PDS5A: variants seen among roughly 807,000 people sequenced by gnomAD.
PDS5A encodes the protein PDS5 cohesin associated factor A, also known as sister chromatid cohesion protein PDS5 homolog A.
In PDS5A, 42 loss-of-function variants were observed where a neutral mutation model predicts 167.1. That is an observed-to-expected ratio of 0.25 (90% confidence interval 0.20 to 0.33). The LOEUF (loss-of-function observed/expected upper bound fraction) is 0.33. Among genes scored for constraint, PDS5A ranks in the 10% least tolerant of loss-of-function variants. The pLI is 1.00. For missense variants in PDS5A, 1,033 were observed against 1,605.9 expected, an observed-to-expected ratio of 0.64 and a Z score of 6.10; for synonymous variants, 553 against 554.6, an observed-to-expected ratio of 1.00 and a Z score of 0.04.
chr4:39,951,422 T>C (rs756750160), intron 2 of PDS5A, among the ~76,000 whole-genome samples: 43 of 152,176 alleles, frequency 2.8e-4, no homozygotes, highest in Admixed American at 3.9e-4. Context: ...AGTTTTCCAA[T>C]GAGAGACAGC....
intron 2 of PDS5A, among the ~76,000 whole-genome samples, chr4:39,967,105 G>C (rs1560525877): frequency 6.6e-6 from 1 of 151,860 alleles, no homozygotes; most frequent in African/African-American, 2.4e-5. Context: ...AGGAGCTCGA[G>C]ACCAGCCTGG....
Position 39,962,594 on chromosome 4 carries a change from AG to A in PDS5A, c.138+13845del, listed in dbSNP as rs533203905. On this transcript the variant is annotated intron_variant, in intron 2 of 32. Transcript: ENST00000303538. Reference sequence around the variant, plus strand: ...GCCGAGGCGAGCAGATCACAAGGTCAGGAGGTTGAGACCATCCTGGCCAACA... The same window carrying A: ...GCCGAGGCGAGCAGATCACAAGGTCAGAGGTTGAGACCATCCTGGCCAACA... 8.0e-4 allele frequency among the ~76,000 whole-genome samples: 121 copies of A among 151,574 alleles called. 3 individuals are homozygous for A. The South Asian group carries it at 0.022, about 28-fold the overall frequency.
intron 19 of PDS5A, among the ~76,000 whole-genome samples, chr4:39,876,690 G>A (rs1406285016): frequency 1.3e-5 from 2 of 152,130 alleles, no homozygotes; most frequent in Admixed American, 1.3e-4. Context: ...GGATTAGAAA[G>A]ACATTAGTCA....
At chr4:39,931,317 ATTT>A (rs1275456087) in intron 2 of PDS5A, among the ~76,000 whole-genome samples, 1 of 151,904 alleles carries the variant, frequency 6.6e-6, no homozygotes, top group Non-Finnish European at 1.5e-5. Context: ...GGCTAAAAAA[ATTT>A]TTTTTAATTA....
chr4:39,889,491 A>G (rs1560457561), intron 17 of PDS5A, among the ~76,000 whole-genome samples: 1 of 152,244 alleles, frequency 6.6e-6, no homozygotes, highest in Non-Finnish European at 1.5e-5. Flanking sequence ...TGATCTCTGA[A>G]TTCTAGGCTG....
chr4:39,852,984 A>G (rs1718239599), intron 26 of PDS5A, among the ~76,000 whole-genome samples: 1 of 152,156 alleles, frequency 6.6e-6, no homozygotes, highest in African/African-American at 2.4e-5. Flanking sequence ...GTGAAATTAT[A>G]AATTCACTGC....
At chr4:39,903,302 A>C (rs763251230) in intron 12 of PDS5A, among the ~76,000 whole-genome samples, 14 of 152,178 alleles carry the variant, frequency 9.2e-5, no homozygotes, top group Non-Finnish European at 1.6e-4. Context: ...TTCCTTACCA[A>C]TATTGGAATA....
chr4:39,931,095 C>G (rs1726018432), intron 2 of PDS5A, among the ~76,000 whole-genome samples: 1 of 152,068 alleles, frequency 6.6e-6, no homozygotes, highest in African/African-American at 2.4e-5. Flanking sequence ...ATCGCTTGAG[C>G]CCAGCAGTTC....
In PDS5A at chr4:39,863,118, T is replaced by A. The variant is rs921632558; in HGVS notation, c.2767-45A>T. The A allele has an allele frequency of 4.2e-6, 6 of 1,419,820 alleles. No homozygotes were observed. In the African/African-American group the frequency reaches 7.1e-5, roughly 17 times the overall value. The allele number at this position is 1,419,820 out of a possible 1,614,324, so 88.0% of individuals were successfully genotyped here. On this transcript the variant is annotated intron_variant, in intron 24 of 32. Coordinates refer to ENST00000303538, the MANE Select transcript of PDS5A (RefSeq NM_001100399.2). ...CTTAAATTGGCAACCATTTATTAAA[T>A]AAAAAACAGCAGTTTAAGTATTTTT...
chr4:39,922,960 G>GTTGTATTT (rs1560486742), intron 5 of PDS5A, among the ~76,000 whole-genome samples: 1 of 152,066 alleles, frequency 6.6e-6, no homozygotes, highest in Non-Finnish European at 1.5e-5. Context: ...GTAAGGTACT[G>GTTGTATTT]TTGTATTTTA....
chr4:39,853,204 A>G (rs1718262569), intron 26 of PDS5A, among the ~76,000 whole-genome samples: 2 of 152,124 alleles, frequency 1.3e-5, no homozygotes, highest in African/African-American at 4.8e-5. Context: ...GCCTCTCAAC[A>G]TTTTAATCAC....
chr4:39,911,203 G>T (rs962147454), intron 9 of PDS5A, among the ~76,000 whole-genome samples: 8 of 151,970 alleles, frequency 5.3e-5, no homozygotes, highest in African/African-American at 1.7e-4. Context: ...CATATATAAG[G>T]GGCAAATCCA....
At chr4:39,974,607 C>T (rs1254348625) in intron 2 of PDS5A, among the ~76,000 whole-genome samples, 1 of 152,012 alleles carries the variant, frequency 6.6e-6, no homozygotes, top group Non-Finnish European at 1.5e-5. Context: ...TGCAATGGCG[C>T]GATCTCCGCT....
chr4:39,929,534 T>TATATATAC (rs1553903691), intron 2 of PDS5A, among the ~76,000 whole-genome samples: 17 of 102,638 alleles, frequency 1.7e-4, no homozygotes, highest in Non-Finnish European at 2.8e-4. Context: ...TATATATATA[T>TATATATAC]ATATATATAT....
At chr4:39,849,125 C>A (rs1254609977) in intron 27 of PDS5A, among the ~76,000 whole-genome samples, 155 bp from the exon 28 acceptor site, 1 of 152,144 alleles carries the variant, frequency 6.6e-6, no homozygotes, top group Non-Finnish European at 1.5e-5. Context: ...ACTGTTTATG[C>A]AGCCTTCTGA....
At chr4:39,850,333 T>TA (rs1166124041) in intron 26 of PDS5A, among the ~76,000 whole-genome samples, 2 of 145,690 alleles carry the variant, frequency 1.4e-5, no homozygotes, top group African/African-American at 5.1e-5. Flanking sequence ...ACAAAAAAAA[T>TA]ACAAAAATTA....
intron 26 of PDS5A, among the ~76,000 whole-genome samples, chr4:39,860,552 T>C (rs1718901269): frequency 6.6e-6 from 1 of 152,024 alleles, no homozygotes; most frequent in South Asian, 2.1e-4. Flanking sequence ...TGTAGCACTA[T>C]TTACAACAGC....
chr4:39,835,553 C>T (rs1047306813), intron 32 of PDS5A, among the ~76,000 whole-genome samples: 10 of 152,098 alleles, frequency 6.6e-5, no homozygotes, highest in Non-Finnish European at 1.5e-4. Flanking sequence ...GACAGAGTAT[C>T]GCTCTGTTTC....
intron 10 of PDS5A, among the ~76,000 whole-genome samples, chr4:39,909,087 A>AAATAAAATAC (rs1723661139): frequency 7.0e-6 from 1 of 142,206 alleles, no homozygotes; most frequent in Non-Finnish European, 1.5e-5. Flanking sequence ...AAATAAAATA[A>AAATAAAATAC]AATAAAATAC....
Sources: gnomAD v4.1 joint callset for allele counts (sites outside exome capture counted in the v4.1 genomes callset) on GRCh38, gnomAD v4.1.1 for gene constraint, MANE v1.5 for transcripts, NCBI Gene and HGNC (gene_info 2026-07-23, HGNC 2026-07-21) for gene names.